The following GCNT1 variants were observed in gnomAD, a reference collection of about 807,000 sequenced individuals.
GCNT1 encodes beta-1,3-galactosyl-O-glycosyl-glycoprotein beta-1,6-N-acetylglucosaminyltransferase.
Under a neutral mutation model 26.2 loss-of-function variants are expected in GCNT1, and 16 were observed. The ratio of observed to expected loss-of-function variants is 0.61; its 90% confidence interval spans 0.41 to 0.93. The LOEUF is 0.93. Ranked by LOEUF, GCNT1 falls within the 40% of genes least tolerant of loss-of-function variation. The pLI is 0.00. For synonymous variants in GCNT1, 183 were observed against 190.8 expected (o/e 0.96, Z 0.34); for missense variants, 477 against 526.7 (o/e 0.91, Z 0.92).
the GCNT1 span, among the ~76,000 whole-genome samples, chr9:76,401,359 G>A: frequency 2.0e-5 from 3 of 152,098 alleles, no homozygotes; most frequent in Non-Finnish European, 4.4e-5. Context: ...TCGAAATCCT[G>A]GAATTAAGCC....
intron 2 of GCNT1, among the ~76,000 whole-genome samples, chr9:76,495,570 G>C (rs1478424965): frequency 3.3e-5 from 5 of 152,172 alleles, no homozygotes; most frequent in Non-Finnish European, 7.3e-5. Flanking sequence ...AATGCTGATT[G>C]GTCCATTTTA....
Position 76,502,863 on chromosome 9 carries a change from C to T in GCNT1, c.482C>T (p.Ser161Phe). ...CIHVDTKSED[S>F]YLAAVMGIAS... ...CATGTGGACACAAAATCCGAGGATT[C>T]CTATTTAGCTGCAGTGATGGGCATC... The change falls in exon 4 of 4, where the codon TCC becomes TTC. Residue 161 changes from serine (S) to phenylalanine (F), a missense_variant. Physicochemically the swap from Ser to Phe is radical, Grantham distance 155. Coordinates refer to ENST00000376730, the MANE Select transcript of GCNT1 (RefSeq NM_001490.5). 1 of 1,614,048 alleles carries T rather than the reference C, an allele frequency of 6.2e-7. No individual in the cohort carries two copies. The highest frequency in any genetic ancestry group is 1.1e-5 in the South Asian group (1 of 91,076).
chr9:76,421,035 G>C lies in GCNT1; in HGVS notation n.38+1148G>C, dbSNP rs371305228. Among the ~76,000 whole-genome samples the C allele has an allele frequency of 2.6e-5, 4 of 151,944 alleles. No individual in the cohort carries two copies. In the South Asian group the frequency reaches 8.3e-4, roughly 32 times the overall value. On this transcript the variant is annotated intron_variant and non_coding_transcript_variant, in intron 1 of 3. Transcript: ENST00000488136. ...AAATCCTCTCATCTTCCTGTTAGTG[G>C]TGGTTCTGAATGTTTGATATTTTTT...
intron 1 of GCNT1, 113 bp downstream of exon 1, chr9:76,459,418 G>A (rs1420182758): frequency 6.6e-6 from 1 of 152,314 alleles, no homozygotes; most frequent in Non-Finnish European, 1.5e-5. Context: ...GCCCCGGGCG[G>A]GCTGGGCTCC....
intron 2 of GCNT1, among the ~76,000 whole-genome samples, chr9:76,494,294 TA>T (rs1310288115): frequency 1.3e-5 from 2 of 152,176 alleles, no homozygotes; most frequent in Non-Finnish European, 2.9e-5. Flanking sequence ...TAGTGACCCT[TA>T]CCAACACATT....
intron 1 of GCNT1, among the ~76,000 whole-genome samples, chr9:76,424,862 G>A (rs1430327066): frequency 6.6e-6 from 1 of 152,170 alleles, no homozygotes; most frequent in African/African-American, 2.4e-5. Context: ...CATCGAGGCT[G>A]GGAGTGGTGG....
chr9:76,459,884 ACT>A (rs1453216806), intron 1 of GCNT1, among the ~76,000 whole-genome samples, 174 bp from the exon 2 acceptor site: 1 of 151,520 alleles, frequency 6.6e-6, no homozygotes, highest in Non-Finnish European at 1.5e-5. Flanking sequence ...AGTCTAGGAA[ACT>A]CGCGCGCAGG....
chr9:76,397,653 A>T, the GCNT1 span, among the ~76,000 whole-genome samples: 4 of 152,132 alleles, frequency 2.6e-5, no homozygotes, highest in East Asian at 5.8e-4. Context: ...CATGTTGGCC[A>T]GGCTGTTCTG....
chr9:76,478,947 G>A (rs1205317657), intron 2 of GCNT1, among the ~76,000 whole-genome samples: 1 of 152,020 alleles, frequency 6.6e-6, no homozygotes, highest in Non-Finnish European at 1.5e-5. Flanking sequence ...CATGTTGGTG[G>A]GCTGCACCCA....
chr9:76,459,854 G>C lies in GCNT1; in HGVS notation c.-407-206G>C, dbSNP rs899047292. On this transcript the variant is annotated intron_variant, in intron 1 of 3. Coordinates refer to ENST00000376730, the MANE Select transcript of GCNT1 (RefSeq NM_001490.5). ...GAAGCCTCTCCTTTCCTGCTCCCTCGCTTTCCTTCTTCTCGCGGCAGTCTA... is the reference window on the plus strand; with the variant it reads ...GAAGCCTCTCCTTTCCTGCTCCCTCCCTTTCCTTCTTCTCGCGGCAGTCTA... Among the ~76,000 whole-genome samples the C allele has an allele frequency of 1.3e-5, 2 of 152,114 alleles. 1 individual carries two copies. The highest frequency in any genetic ancestry group is 3.8e-4 in the East Asian group (2 of 5,198).
chr9:76,397,790 G>C, the GCNT1 span, among the ~76,000 whole-genome samples: 6 of 152,252 alleles, frequency 3.9e-5, no homozygotes, highest in East Asian at 1.2e-3. Context: ...AACCCTCCAA[G>C]AGTTGTACTT....
chr9:76,416,801 G>A (rs143122069), upstream of GCNT1, among the ~76,000 whole-genome samples: 15 of 152,360 alleles, frequency 9.8e-5, no homozygotes, highest in African/African-American at 3.4e-4. Context: ...GCTCACGCCT[G>A]TCATCCCAGC....
At chr9:76,472,387 T>C (rs1412498917) in intron 2 of GCNT1, among the ~76,000 whole-genome samples, 1 of 152,074 alleles carries the variant, frequency 6.6e-6, no homozygotes. Context: ...CCCAAAAAAG[T>C]AGAATTGAGT....
At chr9:76,428,132 G>A (rs1236161454) in intron 1 of GCNT1, among the ~76,000 whole-genome samples, 5 of 151,360 alleles carry the variant, frequency 3.3e-5, no homozygotes, top group Admixed American at 6.6e-5. Flanking sequence ...CGCGCGTGGT[G>A]GCGGGCGCCT....
At chr9:76,490,670 G>A (rs561215366) in intron 2 of GCNT1, among the ~76,000 whole-genome samples, 1 of 152,330 alleles carries the variant, frequency 6.6e-6, no homozygotes, top group South Asian at 2.1e-4. Flanking sequence ...TGGTATAGAT[G>A]GCTCCTTCCT....
At chr9:76,451,445 G>A (rs1823663395) in intron 1 of GCNT1, among the ~76,000 whole-genome samples, 1 of 152,170 alleles carries the variant, frequency 6.6e-6, no homozygotes, top group East Asian at 1.9e-4. Context: ...GGGTGAGTCA[G>A]GGACTAAGAA....
intron 2 of GCNT1, among the ~76,000 whole-genome samples, chr9:76,489,036 C>G (rs62565121): frequency 6.6e-6 from 1 of 152,184 alleles, no homozygotes; most frequent in Non-Finnish European, 1.5e-5. Flanking sequence ...GGCTTCTTCA[C>G]TCACATGTCA....
At chr9:76,461,867 C>T (rs1000806385) in intron 2 of GCNT1, among the ~76,000 whole-genome samples, 3 of 152,156 alleles carry the variant, frequency 2.0e-5, no homozygotes, top group Non-Finnish European at 2.9e-5. Flanking sequence ...CAAGCCTGGA[C>T]GACAGAGTGA....
At chr9:76,426,688 G>A (rs1823262116) in intron 1 of GCNT1, among the ~76,000 whole-genome samples, 1 of 152,166 alleles carries the variant, frequency 6.6e-6, no homozygotes, top group Admixed American at 6.5e-5. Flanking sequence ...CTGAGGTCAG[G>A]AGTTTGAGAC....
Sources: allele counts gnomAD v4.1 joint callset (sites outside exome capture counted in the v4.1 genomes callset), GRCh38; gene constraint gnomAD v4.1.1; transcripts MANE v1.5; gene names NCBI Gene and HGNC (gene_info 2026-07-23, HGNC 2026-07-21).